The following ABHD2 variants were observed in gnomAD, a reference collection of about 807,000 sequenced individuals.
ABHD2 encodes abhydrolase domain containing 2, acylglycerol lipase.
In ABHD2, 20 loss-of-function variants were observed where a neutral mutation model predicts 48.1. The observed-to-expected ratio is 0.42, with a 90% CI of 0.29 to 0.60. ABHD2 has a LOEUF of 0.60. ABHD2 is among the 20% of genes least tolerant of loss of function. The pLI, the probability that ABHD2 is intolerant of heterozygous loss-of-function variation, is 0.24. For synonymous variants in ABHD2, 209 were observed against 214.2 expected, an observed-to-expected ratio of 0.98 and a Z score of 0.21; for missense variants, 405 against 550.9, an observed-to-expected ratio of 0.74 and a Z score of 2.65.
chr15:89,087,405 T>G (rs1901397151), upstream of ABHD2: 1 of 152,058 alleles, frequency 6.6e-6, no homozygotes, highest in African/African-American at 2.4e-5. This position sits in a 1 kb window ranked among gnomAD's most constrained non-coding sequence, Gnocchi z 5.5. Context: ...CCTACAGGGG[T>G]TGCATTTCAA....
intron 1 of ABHD2, among the ~76,000 whole-genome samples, chr15:89,103,286 C>T (rs556104010): frequency 1.5e-3 from 222 of 152,300 alleles, no homozygotes; most frequent in Middle Eastern, 3.4e-3. Flanking sequence ...TGCTAAAGAG[C>T]TGAAAGCATT....
At chr15:89,123,338 C>T (rs1482992651) in intron 3 of ABHD2, among the ~76,000 whole-genome samples, 4 of 152,118 alleles carry the variant, frequency 2.6e-5, no homozygotes, top group Admixed American at 1.3e-4. Flanking sequence ...AACGGAAATC[C>T]AATTGGAATG....
At chr15:89,142,858 G>A (rs376116472) in intron 3 of ABHD2, among the ~76,000 whole-genome samples, 12 of 152,224 alleles carry the variant, frequency 7.9e-5, no homozygotes, top group East Asian at 3.9e-4. Flanking sequence ...AGCCTCCTGC[G>A]TTCCCATTGA....
rs2150779825 is a variant in ABHD2 at position 89,097,981 on chromosome 15, C to G, written c.-107+9418C>G. The stretch of plus-strand genomic sequence containing the variant: ...TCTGGGCTCACTGCAGCCTCCACCT[C>G]CTAGACTCAAGTGATCCTTCCACCT... On this transcript the variant is annotated intron_variant, in intron 1 of 10. Coordinates refer to ENST00000352732, the MANE Select transcript of ABHD2 (RefSeq NM_152924.5). This position sits in a 1 kb window ranked among gnomAD's most constrained non-coding sequence, Gnocchi z 4.2. Among the ~76,000 whole-genome samples, 1 of 152,232 alleles carries G rather than the reference C, an allele frequency of 6.6e-6. No individual in the cohort carries two copies. The highest frequency in any genetic ancestry group is 3.4e-3 in the Middle Eastern group (1 of 294).
At chr15:89,163,238 C>A (rs566367580) in intron 5 of ABHD2, among the ~76,000 whole-genome samples, 1 of 152,338 alleles carries the variant, frequency 6.6e-6, no homozygotes, top group South Asian at 2.1e-4. Context: ...TTTATCAACC[C>A]AACTCTGTTC....
At chr15:89,115,292 G>A (rs1020402612) in intron 2 of ABHD2, among the ~76,000 whole-genome samples, 3 of 151,748 alleles carry the variant, frequency 2.0e-5, no homozygotes, top group Admixed American at 6.6e-5. Flanking sequence ...TTTTTCTGCC[G>A]AGCAGCAAGG....
the ABHD2 span, among the ~76,000 whole-genome samples, chr15:89,061,571 G>C: frequency 0.17 from 26,059 of 151,988 alleles, 2,418 homozygotes; most frequent in Middle Eastern, 0.19. Context: ...ATTCAAAACA[G>C]ATCTGTATTT....
At chr15:89,133,567 C>T (rs906568529) in intron 3 of ABHD2, among the ~76,000 whole-genome samples, 3 of 152,302 alleles carry the variant, frequency 2.0e-5, no homozygotes, top group Admixed American at 2.0e-4. Flanking sequence ...AAAATGTTTT[C>T]TCACTGTGGT....
intron 3 of ABHD2, among the ~76,000 whole-genome samples, chr15:89,144,356 C>G (rs1440954872): frequency 6.6e-6 from 1 of 152,188 alleles, no homozygotes; most frequent in Non-Finnish European, 1.5e-5. Flanking sequence ...TGGTCTCAAA[C>G]TCCTGACCTC....
rs909512392 is a variant in ABHD2, at chr15:89,106,980, C to T, written c.-106-6745C>T. Among the ~76,000 whole-genome samples, 4 of 152,254 alleles carry T rather than the reference C, an allele frequency of 2.6e-5. No individual in the cohort carries two copies. The highest frequency in any genetic ancestry group is 2.1e-4 in the South Asian group (1 of 4,820). ...TGTTTTTGGGGTGGTGTGCTGTGGC[C>T]TTCTGCTGTCCTTCTCCTGACATCC... is the stretch of plus-strand genomic sequence containing the variant. On this transcript the variant is annotated intron_variant, in intron 1 of 10. Coordinates refer to ENST00000352732, the MANE Select transcript of ABHD2 (RefSeq NM_152924.5). This position sits in a 1 kb window ranked among gnomAD's most constrained non-coding sequence, Gnocchi z 4.2.
intron 10 of ABHD2, among the ~76,000 whole-genome samples, chr15:89,194,577 T>C (rs952967209): frequency 4.6e-5 from 7 of 152,190 alleles, no homozygotes; most frequent in Non-Finnish European, 7.3e-5. Context: ...TAAATGTCTG[T>C]AGTGAAAACT....
chr15:89,068,606 A>G, the ABHD2 span, among the ~76,000 whole-genome samples: 1 of 152,110 alleles, frequency 6.6e-6, no homozygotes, highest in African/African-American at 2.4e-5. Context: ...GTCCAAGGGA[A>G]GGTGTCCCGA....
chr15:89,147,704 C>A, intron 3 of ABHD2, among the ~76,000 whole-genome samples: 1 of 151,818 alleles, frequency 6.6e-6, no homozygotes, highest in Non-Finnish European at 1.5e-5. Context: ...TAACAAAACA[C>A]AACAAAATCT....
In ABHD2 at chr15:89,146,532, T is replaced by C. The variant is rs969661038; in HGVS notation, c.195-5145T>C. Reference sequence around the variant, plus strand: ...AGGACAGGCTGGCCTCTATATTTTGTTGTGGCCCAGCTTGTTTGTTAGTAA... The same window carrying C: ...AGGACAGGCTGGCCTCTATATTTTGCTGTGGCCCAGCTTGTTTGTTAGTAA... On this transcript the variant is annotated intron_variant, in intron 3 of 10. Coordinates refer to ENST00000352732, the MANE Select transcript of ABHD2 (RefSeq NM_152924.5). This position sits in a 1 kb window ranked among gnomAD's most constrained non-coding sequence, Gnocchi z 4.2. Among the ~76,000 whole-genome samples the C allele has an allele frequency of 6.6e-6, 1 of 152,154 alleles. No individual in the cohort carries two copies. Among genetic ancestry groups the C allele is most frequent in the Non-Finnish European group, 1.5e-5 (1 of 68,030 alleles).
chr15:89,178,438 C>T (rs925587178), intron 6 of ABHD2, among the ~76,000 whole-genome samples: 9 of 152,192 alleles, frequency 5.9e-5, no homozygotes, highest in African/African-American at 1.4e-4. Context: ...CGGGGAGGCC[C>T]GTCTGCCTCT....
chr15:89,110,905 C>T (rs982297733), intron 1 of ABHD2, among the ~76,000 whole-genome samples: 3 of 152,212 alleles, frequency 2.0e-5, no homozygotes, highest in African/African-American at 7.2e-5. Context: ...GGTCCCCTTA[C>T]ATAAAGTCCC....
chr15:89,158,860 C>CA (rs1212689598), intron 5 of ABHD2, among the ~76,000 whole-genome samples: 3 of 151,750 alleles, frequency 2.0e-5, no homozygotes, highest in Non-Finnish European at 2.9e-5. Flanking sequence ...GACAAGGTCT[C>CA]ACTATGTTGT....
At position 89,201,688 on chromosome 15, in the gene ABHD2, A is replaced by G. The variant is rs945767689; in HGVS notation, c.*6265A>G. ...ACTTTTCTATCCGATGGATTTCGCA[A>G]TTTAAGATTTGTAGTGACTACATCT... On this transcript the variant is annotated 3_prime_UTR_variant, in exon 11 of 11. Coordinates refer to ENST00000352732, the MANE Select transcript of ABHD2 (RefSeq NM_152924.5). 1 of 1,608,654 alleles carries G rather than the reference A, an allele frequency of 6.2e-7. No homozygotes were observed. The highest frequency in any genetic ancestry group is 1.7e-5 in the Admixed American group (1 of 60,008).
intron 3 of ABHD2, among the ~76,000 whole-genome samples, chr15:89,140,226 C>G (rs1208447937): frequency 6.6e-6 from 1 of 152,198 alleles, no homozygotes; most frequent in Non-Finnish European, 1.5e-5. Context: ...TCCTCAAGCT[C>G]TACTGAAAGA....
Sources: gnomAD v4.1 joint callset for allele counts (sites outside exome capture counted in the v4.1 genomes callset) on GRCh38, gnomAD v4.1.1 for gene constraint, Gnocchi (gnomAD v3.1) non-coding constraint, MANE v1.5 for transcripts, NCBI Gene and HGNC (gene_info 2026-07-23, HGNC 2026-07-21) for gene names.